ARMC7: variants seen among roughly 807,000 people sequenced by gnomAD.
ARMC7 encodes armadillo repeat-containing protein 7.
ARMC7 carries 9 observed loss-of-function variants against 14.8 expected under a neutral mutation model. That is an observed-to-expected ratio of 0.61 (90% confidence interval 0.37 to 1.06). The LOEUF (loss-of-function observed/expected upper bound fraction) is 1.06, where lower values mean the gene tolerates loss of function less well. Ranked by LOEUF, ARMC7 falls within the 50% of genes least tolerant of loss-of-function variation. The pLI, the probability that ARMC7 is intolerant of heterozygous loss-of-function variation, is 0.01. For missense variants in ARMC7, 262 were observed against 267.1 expected (o/e 0.98, Z 0.13); for synonymous variants, 125 against 123.4 (o/e 1.01, Z -0.09).
chr17:75,123,299 C>T (rs2074027162), intron 2 of ARMC7, among the ~76,000 whole-genome samples: 1 of 150,378 alleles, frequency 6.6e-6, no homozygotes, highest in Non-Finnish European at 1.5e-5. Context: ...CCACCCGCCT[C>T]GGCCTCCCAA....
Position 75,128,869 on chromosome 17 carries a change from AG to A in ARMC7, c.429del (p.Gln143HisfsTer107). 6.2e-7 allele frequency: 1 copy of A among 1,612,544 alleles called. No individual in the cohort carries two copies. Among genetic ancestry groups the A allele is most frequent in the South Asian group, 1.1e-5 (1 of 91,054 alleles). The stretch of plus-strand genomic sequence containing the variant: ...GAGCTGACCGCCACGCCCGTGGTGC[AG>A]TGCATGCTTCGCTTCTCCCTCTCGG... ...LPELTATPVV[Q>X]CMLRFSLSAS... On this transcript the variant is annotated frameshift_variant, in exon 3 of 3. Transcript: ENST00000245543. LOFTEE classifies it high-confidence loss of function.
chr17:75,121,624 G>A (rs1368462101), intron 2 of ARMC7, among the ~76,000 whole-genome samples: 1 of 152,188 alleles, frequency 6.6e-6, no homozygotes, highest in Non-Finnish European at 1.5e-5. Flanking sequence ...ATGTTGGCCA[G>A]GCTGGTCTGG....
intron 2 of ARMC7, among the ~76,000 whole-genome samples, chr17:75,121,177 A>G (rs2074010998): frequency 6.6e-6 from 1 of 152,164 alleles, no homozygotes; most frequent in Non-Finnish European, 1.5e-5. Context: ...CAATTTGTTC[A>G]TGCATCTGCC....
At chr17:75,111,336 C>A (rs1369158166) in intron 2 of ARMC7, among the ~76,000 whole-genome samples, 1 of 151,206 alleles carries the variant, frequency 6.6e-6, no homozygotes, top group East Asian at 1.9e-4. Context: ...ATCCCAGCTA[C>A]TTGGGAGGCT....
chr17:75,118,135 A>C (rs2073986252), intron 2 of ARMC7, among the ~76,000 whole-genome samples: 1 of 152,060 alleles, frequency 6.6e-6, no homozygotes, highest in Admixed American at 6.6e-5. Flanking sequence ...AAAAAAAAAA[A>C]AAACAAAGTT....
At chr17:75,113,540 A>T (rs530179981) in intron 2 of ARMC7, among the ~76,000 whole-genome samples, 1 of 151,746 alleles carries the variant, frequency 6.6e-6, no homozygotes, top group South Asian at 2.1e-4. Context: ...TACTTTTAGT[A>T]GAGACGGGGT....
intron 2 of ARMC7, among the ~76,000 whole-genome samples, chr17:75,123,320 T>A (rs2074027284): frequency 6.6e-6 from 1 of 150,548 alleles, no homozygotes; most frequent in Non-Finnish European, 1.5e-5. Flanking sequence ...AGTGCTGGGA[T>A]GACAGGCATG....
chr17:75,124,431 C>T (rs2074036326), intron 2 of ARMC7, among the ~76,000 whole-genome samples: 1 of 152,206 alleles, frequency 6.6e-6, no homozygotes, highest in South Asian at 2.1e-4. Flanking sequence ...TGCCCAGGCG[C>T]ACCTGGGTGT....
intron 2 of ARMC7, among the ~76,000 whole-genome samples, chr17:75,115,314 T>G (rs1973185): frequency 6.6e-6 from 1 of 151,430 alleles, no homozygotes; most frequent in Non-Finnish European, 1.5e-5. Flanking sequence ...CCGAGGGGGG[T>G]GGATCACTTG....
chr17:75,111,449 A>T (rs1054301600), intron 2 of ARMC7, among the ~76,000 whole-genome samples: 1 of 151,880 alleles, frequency 6.6e-6, no homozygotes, highest in African/African-American at 2.4e-5. Context: ...GTCTCAAAAA[A>T]AAAAGCAATT....
chr17:75,115,795 C>T (rs765418909), intron 2 of ARMC7, among the ~76,000 whole-genome samples: 63 of 152,308 alleles, frequency 4.1e-4, no homozygotes, highest in Non-Finnish European at 7.9e-4. Context: ...TGTGGGCTCT[C>T]TCTCCTCCAA....
intron 2 of ARMC7, among the ~76,000 whole-genome samples, chr17:75,123,890 G>A (rs1419974434): frequency 3.3e-5 from 5 of 152,070 alleles, no homozygotes; most frequent in African/African-American, 7.2e-5. Context: ...CAGCGTGGGC[G>A]ACAAGAGCGA....
intron 2 of ARMC7, among the ~76,000 whole-genome samples, chr17:75,117,333 T>C (rs1333703659): frequency 6.6e-6 from 1 of 152,162 alleles, no homozygotes; most frequent in Non-Finnish European, 1.5e-5. Context: ...CGCCTCGGCC[T>C]CCCAAAGTGC....
At chr17:75,124,523 G>A (rs2074037051) in intron 2 of ARMC7, among the ~76,000 whole-genome samples, 1 of 152,212 alleles carries the variant, frequency 6.6e-6, no homozygotes, top group Non-Finnish European at 1.5e-5. Flanking sequence ...CACCCCACCC[G>A]CAGTCCAGTG....
intron 2 of ARMC7, among the ~76,000 whole-genome samples, chr17:75,125,052 TCAGTCAGGG>T (rs2074041535): frequency 6.6e-6 from 1 of 152,190 alleles, no homozygotes; most frequent in African/African-American, 2.4e-5. Flanking sequence ...GGAGAGGCGC[TCAGTCAGGG>T]CCTGCTTGCC....
intron 2 of ARMC7, among the ~76,000 whole-genome samples, chr17:75,112,573 C>CTTTTT (rs549730217): frequency 4.5e-4 from 45 of 100,414 alleles, no homozygotes; most frequent in Non-Finnish European, 6.6e-4. Context: ...TTCTCTTTTT[C>CTTTTT]TTTTTTTTTT....
chr17:75,125,622 G>A (rs1419390145), intron 2 of ARMC7, among the ~76,000 whole-genome samples: 1 of 152,116 alleles, frequency 6.6e-6, no homozygotes, highest in Non-Finnish European at 1.5e-5. Flanking sequence ...TGGATCACCT[G>A]AGGTCAAGAG....
At position 75,126,946 on chromosome 17, in the gene ARMC7, C is replaced by T. The variant is rs906494670; in HGVS notation, c.236-1731C>T. ...GCATGGTGGCACATGCCGGTTATCC[C>T]AGCTACTTGGGAGGCTGAGGCAGGA... is the stretch of plus-strand genomic sequence containing the variant. On this transcript the variant is annotated intron_variant, in intron 2 of 2. Coordinates refer to ENST00000245543, the MANE Select transcript of ARMC7 (RefSeq NM_024585.4). Among the ~76,000 whole-genome samples, 38 of 151,930 alleles carry T rather than the reference C, an allele frequency of 2.5e-4. No individual in the cohort carries two copies. In the Middle Eastern group the frequency reaches 0.01, roughly 41 times the overall value.
chr17:75,113,500 G>A (rs8064297), intron 2 of ARMC7, among the ~76,000 whole-genome samples: 91,435 of 150,010 alleles, frequency 0.61, 28,304 homozygotes, highest in South Asian at 0.72. Flanking sequence ...GATTACAGGC[G>A]CCCCCCCACC....
Sources: allele counts gnomAD v4.1 joint callset (sites outside exome capture counted in the v4.1 genomes callset), GRCh38; gene constraint gnomAD v4.1.1; transcripts MANE v1.5; gene names NCBI Gene and HGNC (gene_info 2026-07-23, HGNC 2026-07-21).